The following TXLNB variants were observed in gnomAD, a reference collection of about 807,000 sequenced individuals.
TXLNB encodes the protein taxilin beta, also known as beta-taxilin.
A neutral mutation model predicts 57.4 loss-of-function variants in TXLNB; 37 were observed. The ratio of observed to expected loss-of-function variants is 0.64; its 90% CI spans 0.50 to 0.85. TXLNB has a LOEUF of 0.85. TXLNB is among the 40% of genes least tolerant of loss of function. TXLNB has a pLI of 0.00. For synonymous variants in TXLNB, 302 were observed against 309.6 expected (o/e 0.98, Z 0.26); for missense variants, 848 against 825.6 (o/e 1.03, Z -0.33).
chr6:139,216,121 T>C, the TXLNB span, among the ~76,000 whole-genome samples: 3 of 152,182 alleles, frequency 2.0e-5, no homozygotes, highest in African/African-American at 7.2e-5. Context: ...ATCTCATTAC[T>C]GGGTATATAC....
At chr6:139,193,629 C>G in the TXLNB span, among the ~76,000 whole-genome samples, 3 of 149,978 alleles carry the variant, frequency 2.0e-5, no homozygotes, top group Non-Finnish European at 4.4e-5. Context: ...TTTGATGCCT[C>G]TAAACATGGC....
the TXLNB span, among the ~76,000 whole-genome samples, chr6:139,304,652 G>A: frequency 5.3e-5 from 8 of 152,176 alleles, no homozygotes; most frequent in African/African-American, 1.9e-4. Context: ...AAGTAAAACA[G>A]GTAGAGAGGG....
At chr6:139,187,760 T>C in the TXLNB span, among the ~76,000 whole-genome samples, 2 of 152,228 alleles carry the variant, frequency 1.3e-5, no homozygotes, top group Non-Finnish European at 2.9e-5. Flanking sequence ...CAAAGCAATT[T>C]AGAGGCAGTT....
the TXLNB span, among the ~76,000 whole-genome samples, chr6:139,193,241 C>CTTTTTTTT: frequency 0.15 from 14,839 of 99,820 alleles, 1,867 homozygotes; most frequent in African/African-American, 0.29. Flanking sequence ...CTTTGACCCT[C>CTTTTTTTT]TTTTTTTTTT....
intron 8 of TXLNB, 27 bp downstream of exon 8, chr6:139,247,790 A>G: frequency 6.7e-7 from 1 of 1,495,220 alleles, no homozygotes; most frequent in South Asian, 1.2e-5. Context: ...AAATGTCAAT[A>G]TTTTGTTGGT....
At chr6:139,182,749 A>G in the TXLNB span, among the ~76,000 whole-genome samples, 1 of 152,190 alleles carries the variant, frequency 6.6e-6, no homozygotes, top group Admixed American at 6.5e-5. Context: ...TTTTTTCTTT[A>G]GTAGAAACTT....
At position 139,242,948 on chromosome 6, in the gene TXLNB, G is replaced by T; in HGVS notation, c.1633C>A (p.Pro545Thr). Residue 545 changes from proline to threonine, a missense_variant, in exon 10 of 10, where the codon CCT becomes ACT. Physicochemically the swap from Pro to Thr is conservative, Grantham distance 38. Transcript: ENST00000358430. ...DAALKEPEQP[P>T]LIPSRDSESP... ...TCTGAATCCCGTGAAGGGATCAGAG[G>T]GGGTTGCTCTGGCTCCTTGAGAGCG... The T allele has an allele frequency of 6.2e-7, 1 of 1,614,208 alleles. No individual in the cohort carries two copies. Among genetic ancestry groups the T allele is most frequent in the African/African-American group, 1.3e-5 (1 of 75,064 alleles).
the TXLNB span, among the ~76,000 whole-genome samples, chr6:139,232,696 G>C: frequency 6.6e-6 from 1 of 152,172 alleles, no homozygotes; most frequent in Admixed American, 6.5e-5. Context: ...ACCACTAACT[G>C]TCTCATCAAT....
chr6:139,242,553 A>T lies in TXLNB; in HGVS notation c.2028T>A (p.Ala676=). The change falls in exon 10 of 10, where the codon GCT becomes GCA. Residue 676 remains alanine, a synonymous_variant. Transcript: ENST00000358430. ...ASAGPQPRNV[A]DTNLEGVD ...AGTCGACGCCTTCCAGATTGGTGTC[A>T]GCCACGTTGCGCGGCTGGGGCCCAG... 7.9e-6 allele frequency: 12 copies of T among 1,510,320 alleles called. No homozygotes were observed. The highest frequency in any genetic ancestry group is 1.1e-5 in the Non-Finnish European group (12 of 1,131,830). The allele number at this position is 1,510,320 out of a possible 1,614,324, so 93.6% of individuals were successfully genotyped here.
At chr6:139,200,955 T>C in the TXLNB span, among the ~76,000 whole-genome samples, 2 of 152,124 alleles carry the variant, frequency 1.3e-5, no homozygotes. Context: ...CCAGTCTCAA[T>C]AGATCTACAG....
At chr6:139,282,335 G>A (rs6901751) in intron 2 of TXLNB, among the ~76,000 whole-genome samples, 7,732 of 144,870 alleles carry the variant, frequency 0.053, 851 homozygotes, top group African/African-American at 0.15. Flanking sequence ...CCAGCACTTT[G>A]GGAGGGTGAG....
At chr6:139,224,392 A>G in the TXLNB span, among the ~76,000 whole-genome samples, 1 of 151,412 alleles carries the variant, frequency 6.6e-6, no homozygotes, top group Non-Finnish European at 1.5e-5. Context: ...GCACATGTAT[A>G]TGTATGTAAC....
At chr6:139,254,615 C>T (rs1412848141) in intron 7 of TXLNB, among the ~76,000 whole-genome samples, 1 of 152,098 alleles carries the variant, frequency 6.6e-6, no homozygotes, top group South Asian at 2.1e-4. Flanking sequence ...CCAGAGTCAG[C>T]TGTGGCATAA....
At chr6:139,247,948 C>T (rs1008211113) in intron 7 of TXLNB, 39 bp from the exon 8 acceptor site, 12 of 1,232,634 alleles carry the variant, frequency 9.7e-6, no homozygotes, top group Non-Finnish European at 1.4e-5. Flanking sequence ...CAGAATACTT[C>T]CAGAAGAAAA....
At chr6:139,233,129 G>T in the TXLNB span, among the ~76,000 whole-genome samples, 1 of 151,724 alleles carries the variant, frequency 6.6e-6, no homozygotes, top group African/African-American at 2.4e-5. Context: ...CCTATTAATA[G>T]CTATCATTCT....
downstream of TXLNB, among the ~76,000 whole-genome samples, chr6:139,237,160 C>G (rs552899724): frequency 1.3e-5 from 2 of 152,206 alleles, no homozygotes; most frequent in East Asian, 3.9e-4. Context: ...ATCTTACCCT[C>G]TATATAATAG....
chr6:139,177,093 C>T, the TXLNB span: 13 of 853,642 alleles, frequency 1.5e-5, no homozygotes, highest in East Asian at 2.4e-5. The surrounding 1 kb of genome is among the most constrained non-coding windows in gnomAD (Gnocchi z 4.9). Flanking sequence ...TCAAAGTTCT[C>T]GAAGCTTATT....
the TXLNB span, chr6:139,177,873 A>AT: frequency 6.6e-6 from 1 of 152,220 alleles, no homozygotes; most frequent in Admixed American, 6.5e-5. This position sits in a 1 kb window ranked among gnomAD's most constrained non-coding sequence, Gnocchi z 4.9. Flanking sequence ...ACCCATGAAT[A>AT]ACCTGATTTG....
At chr6:139,254,954 G>A (rs1776297919) in intron 7 of TXLNB, among the ~76,000 whole-genome samples, 1 of 152,124 alleles carries the variant, frequency 6.6e-6, no homozygotes. Context: ...GGGTAGCTGG[G>A]ATTACAGGCA....
Sources: allele counts gnomAD v4.1 joint callset (sites outside exome capture counted in the v4.1 genomes callset), GRCh38; gene constraint gnomAD v4.1.1; non-coding constraint Gnocchi (gnomAD v3.1); transcripts MANE v1.5; gene names NCBI Gene and HGNC (gene_info 2026-07-23, HGNC 2026-07-21).